AKAP10: variants seen among roughly 807,000 people sequenced by gnomAD.
The protein encoded by AKAP10 is A-kinase anchor protein 10, mitochondrial.
A neutral mutation model predicts 80.8 loss-of-function variants in AKAP10; 24 were observed. The ratio of observed to expected loss-of-function variants is 0.30; its 90% CI spans 0.22 to 0.42. The LOEUF (loss-of-function observed/expected upper bound fraction) is 0.42, where lower values mean the gene tolerates loss of function less well. AKAP10 is among the 10% of genes least tolerant of loss of function. The pLI is 1.00. For synonymous variants in AKAP10, 291 were observed against 277.7 expected, an observed-to-expected ratio of 1.05 and a Z score of -0.48; for missense variants, 661 against 794.9, an observed-to-expected ratio of 0.83 and a Z score of 2.03.
intron 10 of AKAP10, among the ~76,000 whole-genome samples, chr17:19,928,327 G>A (rs1391466370): frequency 1.3e-5 from 2 of 152,136 alleles, no homozygotes; most frequent in African/African-American, 4.8e-5. Context: ...ATGAAAAGAT[G>A]CTCAACATCA....
intron 12 of AKAP10, among the ~76,000 whole-genome samples, chr17:19,915,406 G>T (rs982112374): frequency 1.3e-5 from 2 of 152,214 alleles, no homozygotes; most frequent in Non-Finnish European, 2.9e-5. Context: ...GAGTAAAACA[G>T]ACTGAGACTA....
chr17:19,962,367 C>CT, intron 3 of AKAP10, among the ~76,000 whole-genome samples: 1 of 151,956 alleles, frequency 6.6e-6, no homozygotes, highest in Admixed American at 6.6e-5. Context: ...AGGGCTAGGT[C>CT]TTAGAAAGAG....
chr17:19,940,823 C>A, intron 7 of AKAP10, 64 bp downstream of exon 7: 1 of 1,498,492 alleles, frequency 6.7e-7, no homozygotes, highest in Non-Finnish European at 8.9e-7. Context: ...TAGACAGGGC[C>A]CCAGCATTGA....
At chr17:19,925,645 C>T (rs552045194) in intron 10 of AKAP10, among the ~76,000 whole-genome samples, 3 of 151,172 alleles carry the variant, frequency 2.0e-5, no homozygotes, top group South Asian at 2.1e-4. Flanking sequence ...TTAATGTCCC[C>T]GACTAAGTAA....
chr17:19,934,389 C>T (rs964751558), intron 9 of AKAP10, among the ~76,000 whole-genome samples: 1 of 152,058 alleles, frequency 6.6e-6, no homozygotes, highest in African/African-American at 2.4e-5. Context: ...GCTCTGTCAC[C>T]AAGGCTGGAG....
intron 1 of AKAP10, among the ~76,000 whole-genome samples, chr17:19,969,671 C>T (rs960752509): frequency 2.0e-5 from 3 of 152,036 alleles, no homozygotes; most frequent in African/African-American, 4.8e-5. Flanking sequence ...AAATAACTCG[C>T]CCTCAGAGTA....
At position 19,974,223 on chromosome 17, in the gene AKAP10, T is replaced by G. The variant is rs188314429; in HGVS notation, c.88+3369A>C. On this transcript the variant is annotated intron_variant, in intron 1 of 14. Transcript: ENST00000225737. ...AAGAAAAGAAAAAAAGCCAAAATACTACTTCTTGAGAAAAACTGATGAGCA... is the reference window on the plus strand; with the variant it reads ...AAGAAAAGAAAAAAAGCCAAAATACGACTTCTTGAGAAAAACTGATGAGCA... Among the ~76,000 whole-genome samples, 3 of 152,098 alleles carry G rather than the reference T, an allele frequency of 2.0e-5. No individual in the cohort carries two copies. In the East Asian group the frequency reaches 5.8e-4, roughly 29 times the overall value.
At position 19,946,263 on chromosome 17, in the gene AKAP10, ATATATATATATATTTTTTTTTTTTTT is replaced by A. The variant is rs2043124332; in HGVS notation, c.976+1118_976+1143del. Among the ~76,000 whole-genome samples the A allele has an allele frequency of 1.1e-4, 3 of 27,214 alleles. 1 individual carries two copies. Among genetic ancestry groups the A allele is most frequent in the African/African-American group, 4.7e-4 (3 of 6,366 alleles). The allele number at this position is 27,214 out of a possible 152,430, so 17.9% of individuals were successfully genotyped here. A position where few individuals can be genotyped will look rare whatever the true frequency, so the allele number is the denominator to read the frequency against. On this transcript the variant is annotated intron_variant, in intron 5 of 14. Transcript: ENST00000225737. ...TATATATATATATATATATATATAT[ATATATATATATATTTTTTTTTTTTTT>A]TTTTTTTTTTGGCAGGGGGTGAGGG...
rs1015572015 is a variant in AKAP10 at position 19,936,513 on chromosome 17, T to C, written c.1323-83A>G. 64 of 1,340,796 alleles carry C rather than the reference T, an allele frequency of 4.8e-5. 1 individual carries two copies. The highest frequency in any genetic ancestry group is 2.7e-4 in the South Asian group (19 of 70,196). 83.1% of individuals were successfully genotyped at this position (1,340,796 alleles called of 1,614,324 possible). A position where few individuals can be genotyped will look rare whatever the true frequency, so the allele number is the denominator to read the frequency against. On this transcript the variant is annotated intron_variant, in intron 8 of 14. Coordinates refer to ENST00000225737, the MANE Select transcript of AKAP10 (RefSeq NM_007202.4). ...TCAGCACCTCCTCCAGAGAATCTTATACAAGGCTACTTGATTGAGCCTGCA... is the reference window on the plus strand; with the variant it reads ...TCAGCACCTCCTCCAGAGAATCTTACACAAGGCTACTTGATTGAGCCTGCA...
intron 2 of AKAP10, among the ~76,000 whole-genome samples, chr17:19,966,357 C>T (rs551303857): frequency 3.9e-5 from 6 of 152,122 alleles, no homozygotes; most frequent in Admixed American, 2.6e-4. Flanking sequence ...TGTGGAATTA[C>T]TTGATTAATG....
At chr17:19,956,423 G>A (rs1597520363) in intron 4 of AKAP10, among the ~76,000 whole-genome samples, 1 of 152,140 alleles carries the variant, frequency 6.6e-6, no homozygotes, top group East Asian at 1.9e-4. Context: ...ACAAAAAACT[G>A]TAGATAGCAG....
intron 1 of AKAP10, among the ~76,000 whole-genome samples, chr17:19,974,585 T>C (rs925938038): frequency 6.6e-6 from 1 of 152,184 alleles, no homozygotes; most frequent in African/African-American, 2.4e-5. Context: ...GGATCCAACG[T>C]AGTGATGTAA....
intron 10 of AKAP10, among the ~76,000 whole-genome samples, chr17:19,925,491 T>G (rs1305358472): frequency 5.3e-5 from 8 of 152,192 alleles, no homozygotes; most frequent in Non-Finnish European, 1.2e-4. Context: ...AGAATTGGTA[T>G]TTTTGTGAAA....
intron 13 of AKAP10, 34 bp downstream of exon 13, chr17:19,909,892 A>G: frequency 6.2e-7 from 1 of 1,606,954 alleles, no homozygotes; most frequent in African/African-American, 1.3e-5. Context: ...GCACTTATAA[A>G]CAGAAATCTT....
rs567977056 is a variant in AKAP10, at chr17:19,969,528, CTCTTT to C, written c.89-1072_89-1068del. ...ATCTGACATAAGACTATTTTTAACC[CTCTTT>C]TCTTGTTTTTTTTTTTCAACATTAA... On this transcript the variant is annotated intron_variant, in intron 1 of 14. Coordinates refer to ENST00000225737, the MANE Select transcript of AKAP10 (RefSeq NM_007202.4). Among the ~76,000 whole-genome samples, 753 of 151,634 alleles carry C rather than the reference CTCTTT, an allele frequency of 5.0e-3. 4 individuals carry two copies. The highest frequency in any genetic ancestry group is 8.0e-3 in the Non-Finnish European group (543 of 67,898).
chr17:19,907,388 A>G (rs550323048), intron 14 of AKAP10, among the ~76,000 whole-genome samples: 55 of 146,420 alleles, frequency 3.8e-4, no homozygotes, highest in African/African-American at 1.3e-3. Context: ...CATTTTTCTC[A>G]TTATACTCTT....
chr17:19,925,898 A>C (rs1164044280), intron 10 of AKAP10, among the ~76,000 whole-genome samples: 1 of 152,236 alleles, frequency 6.6e-6, no homozygotes, highest in Non-Finnish European at 1.5e-5. Context: ...TTACAAAGCA[A>C]TAGTAATCAA....
chr17:19,936,412 G>A lies in AKAP10; in HGVS notation c.1341C>T (p.Ala447=). 6.2e-7 allele frequency: 1 copy of A among 1,611,018 alleles called. No individual in the cohort carries two copies. Among genetic ancestry groups the A allele is most frequent in the Admixed American group, 1.7e-5 (1 of 59,818 alleles). Residue 447 remains alanine (A), a synonymous_variant, in exon 9 of 15, where the codon GCC becomes GCT. Coordinates refer to ENST00000225737, the MANE Select transcript of AKAP10 (RefSeq NM_007202.4). ...ILYDKYFSLQ[A]THPLGFDDVV... ...CATCATCAAATCCAAGAGGATGTGT[G>A]GCTTGGAGGGAGAAGTACCTATGGT...
At position 19,905,637 on chromosome 17, in the gene AKAP10, A is replaced by G. The variant is rs2042624649; in HGVS notation, c.*590T>C. The G allele has an allele frequency of 6.5e-6, 1 of 152,714 alleles. No homozygotes were observed. The allele number at this position is 152,714 out of a possible 1,614,324, so 9.5% of individuals were successfully genotyped here. ...ATCAGAGGAAGGAGGAAGTCACTGA[A>G]ACTTGACCCATGACTTGTCAGTTTC... On this transcript the variant is annotated 3_prime_UTR_variant, in exon 15 of 15. Transcript: ENST00000225737.
Sources: allele counts gnomAD v4.1 joint callset (sites outside exome capture counted in the v4.1 genomes callset), GRCh38; gene constraint gnomAD v4.1.1; transcripts MANE v1.5; gene names NCBI Gene and HGNC (gene_info 2026-07-23, HGNC 2026-07-21).